The following ZNF616 variants were observed in gnomAD, a reference collection of about 807,000 sequenced individuals.
ZNF616 encodes zinc finger protein 616.
A neutral mutation model predicts 7.6 loss-of-function variants in ZNF616; 5 were observed. The observed-to-expected ratio is 0.66, with a 90% confidence interval of 0.34 to 1.38. ZNF616 has a LOEUF of 1.38. ZNF616 is among the 40% of genes most tolerant of loss of function. The pLI is 0.04. For missense variants in ZNF616, 913 were observed against 948.3 expected (o/e 0.96, Z 0.49); for synonymous variants, 319 against 317.2 (o/e 1.01, Z -0.06).
At chr19:52,133,890 G>C (rs2088984709) in intron 1 of ZNF616, among the ~76,000 whole-genome samples, 3 of 151,988 alleles carry the variant, frequency 2.0e-5, no homozygotes, top group Admixed American at 2.0e-4. Flanking sequence ...TCCACCCTGA[G>C]GTAGGCCCCA....
rs1181315418 is a variant in ZNF616 at position 52,139,030 on chromosome 19, A to G, written c.-77+702T>C. Among the ~76,000 whole-genome samples the G allele has an allele frequency of 1.3e-5, 2 of 151,856 alleles. No homozygotes were observed. The highest frequency in any genetic ancestry group is 2.9e-5 in the Non-Finnish European group (2 of 67,964). ...CTTTATGTGCTTTTCTCCCCGTGCTACTTTCTCCATGCGTCCTCTTGCACT... is the reference window on the plus strand; with the variant it reads ...CTTTATGTGCTTTTCTCCCCGTGCTGCTTTCTCCATGCGTCCTCTTGCACT... On this transcript the variant is annotated intron_variant, in intron 1 of 3. Coordinates refer to ENST00000600228, the MANE Select transcript of ZNF616 (RefSeq NM_178523.5). This position sits in a 1 kb window ranked among gnomAD's most constrained non-coding sequence, Gnocchi z 4.1.
In ZNF616 at chr19:52,115,084, A is replaced by G; in HGVS notation, c.2080T>C (p.Cys694Arg). Residue 694 changes from cysteine (C) to arginine (R), a missense_variant, in exon 4 of 4, where the codon TGT (cysteine) becomes CGT (arginine). By Grantham distance (180) the Cys-to-Arg change is radical. Coordinates refer to ENST00000600228, the MANE Select transcript of ZNF616 (RefSeq NM_178523.5). ...AGKKPYKCDE[C>R]GKVFRHSSHL... ...GAACTATGCCTGAATACCTTGCCAC[A>G]TTCATCACATTTATATGGTTTCTTT... The G allele has an allele frequency of 6.2e-7, 1 of 1,614,142 alleles. No homozygotes were observed. The highest frequency in any genetic ancestry group is 8.5e-7 in the Non-Finnish European group (1 of 1,180,024).
chr19:52,123,815 A>G, intron 3 of ZNF616, 108 bp downstream of exon 3: 3 of 1,380,700 alleles, frequency 2.2e-6, no homozygotes, highest in Non-Finnish European at 3.0e-6. Flanking sequence ...TTTTTGAACC[A>G]ATAAGGCTTC....
chr19:52,129,929 C>A (rs991667983), intron 2 of ZNF616, among the ~76,000 whole-genome samples: 1 of 151,978 alleles, frequency 6.6e-6, no homozygotes, highest in Non-Finnish European at 1.5e-5. Context: ...ATTACAGGCC[C>A]CTGCCACCAT....
rs2088804182 is a variant in ZNF616 at position 52,114,977 on chromosome 19, C to G, written c.2187G>C (p.Leu729Phe). 3 of 1,614,056 alleles carry G rather than the reference C, an allele frequency of 1.9e-6. No homozygotes were observed. Among genetic ancestry groups the G allele is most frequent in the African/African-American group, 2.7e-5 (2 of 74,934 alleles). ...TTCTTTGGTGTTTGCTGAGGGAAAA[C>G]AACCGCCCAAAGGCTTTGCCACATT... ...CIECGKAFGR[L>F]FSLSKHQRIH... is the part of the protein sequence containing the mutation. The change falls in exon 4 of 4, where the codon TTG becomes TTC. Residue 729 changes from leucine (L) to phenylalanine (F), a missense_variant. Transcript: ENST00000600228.
At position 52,137,057 on chromosome 19, in the gene ZNF616, A is replaced by G. The variant is rs200327656; in HGVS notation, c.-77+2675T>C. Among the ~76,000 whole-genome samples the G allele has an allele frequency of 3.9e-3, 513 of 131,694 alleles. 2 individuals carry two copies. The highest frequency in any genetic ancestry group is 0.01 in the African/African-American group (293 of 28,678). 86.4% of individuals were successfully genotyped at this position (131,694 alleles called of 152,430 possible). A position where few individuals can be genotyped will look rare whatever the true frequency, so the allele number is the denominator to read the frequency against. The stretch of plus-strand genomic sequence containing the variant: ...TGTATATATATTTATGTATGTGTAT[A>G]TATATATATATATATATACAGAGTG... On this transcript the variant is annotated intron_variant, in intron 1 of 3. Coordinates refer to ENST00000600228, the MANE Select transcript of ZNF616 (RefSeq NM_178523.5).
In ZNF616 at chr19:52,116,527, A is replaced by G. The variant is rs747072470; in HGVS notation, c.637T>C (p.Tyr213His). The G allele has an allele frequency of 6.2e-7, 1 of 1,614,130 alleles. No homozygotes were observed. Among genetic ancestry groups the G allele is most frequent in the South Asian group, 1.1e-5 (1 of 91,078 alleles). ...GCTTTGCCACACTCATTGCATTTGT[A>G]AGGTTTCTCTGTAGTATGTATCCTC... ...HQRIHTTEKP[Y>H]KCNECGKAFH... The change falls in exon 4 of 4, where the codon TAC becomes CAC. Residue 213 changes from tyrosine (Y) to histidine (H), a missense_variant. Coordinates refer to ENST00000600228, the MANE Select transcript of ZNF616 (RefSeq NM_178523.5).
At position 52,116,922 on chromosome 19, in the gene ZNF616, T is replaced by A; in HGVS notation, c.242A>T (p.Asp81Val). The change falls in exon 4 of 4, where the codon GAT (aspartate) becomes GTT (valine). Residue 81 changes from aspartate (D) to valine (V), a missense_variant. Physicochemically the swap from Asp to Val is radical, Grantham distance 152. Coordinates refer to ENST00000600228, the MANE Select transcript of ZNF616 (RefSeq NM_178523.5). ...TVALERHQSYDIENLYFREIQ... is the reference protein window; with the variant it reads ...TVALERHQSYVIENLYFREIQ... The stretch of plus-strand genomic sequence containing the variant: ...TTCCCTGAAGTATAAATTTTCAATA[T>A]CATAGCTTTGATGTCTTTCCAGTGC... The A allele has an allele frequency of 1.9e-6, 3 of 1,614,056 alleles. No homozygotes were observed. Among genetic ancestry groups the A allele is most frequent in the Non-Finnish European group, 2.5e-6 (3 of 1,179,978 alleles).
At chr19:52,130,196 G>A (rs1486010648) in intron 2 of ZNF616, among the ~76,000 whole-genome samples, 12 of 152,114 alleles carry the variant, frequency 7.9e-5, no homozygotes, top group Non-Finnish European at 1.2e-4. Flanking sequence ...AATCCCTGCT[G>A]CCCAACAGCT....
chr19:52,124,264 G>C lies in ZNF616; in HGVS notation c.13-215C>G, dbSNP rs183597567. ...ATCAGTGTATAGTTCTATTTTTGTG[G>C]ACAATACAAGAAATACACAAATAAG... On this transcript the variant is annotated intron_variant, in intron 2 of 3. Transcript: ENST00000600228. 1.2e-4 allele frequency among the ~76,000 whole-genome samples: 19 copies of C among 152,188 alleles called. No homozygotes were observed. The East Asian group carries it at 3.5e-3, about 28-fold the overall frequency.
chr19:52,136,206 C>A (rs765382178), intron 1 of ZNF616, among the ~76,000 whole-genome samples: 3 of 151,098 alleles, frequency 2.0e-5, no homozygotes, highest in Non-Finnish European at 4.4e-5. Flanking sequence ...AAATGCCAGG[C>A]ACGGTGGCTC....
chr19:52,114,923 A>T lies in ZNF616; in HGVS notation c.2241T>A (p.Cys747Ter). 6.2e-7 allele frequency: 1 copy of T among 1,614,162 alleles called. No individual in the cohort carries two copies. Among genetic ancestry groups the T allele is most frequent in the Non-Finnish European group, 8.5e-7 (1 of 1,180,022 alleles). The change falls in exon 4 of 4, where the codon TGT becomes TGA. Residue 747 changes from cysteine (C) to a stop codon, truncating the protein, a stop_gained. Transcript: ENST00000600228. LOFTEE classifies it low-confidence loss of function (END_TRUNC). The part of the protein sequence containing the change: ...RIHSGKKPYK[C>*]NECGKSFICR... ...AAATAAAAGATTTCCCACACTCATT[A>T]CATTTATAAGGTTTTTTGCCAGAAT...
rs952967266 is a variant in ZNF616, at chr19:52,130,216, C to A, written c.12+285G>T. On this transcript the variant is annotated intron_variant, in intron 2 of 3. Transcript: ENST00000600228. The stretch of plus-strand genomic sequence containing the variant: ...CTGCTGCCCAACAGCTCTGATACCA[C>A]GGGACCCTCACCCCATCTCCATCCA... 2.6e-5 allele frequency among the ~76,000 whole-genome samples: 4 copies of A among 152,194 alleles called. No individual in the cohort carries two copies. In the East Asian group the frequency reaches 7.7e-4, roughly 29 times the overall value.
chr19:52,116,405 A>G lies in ZNF616; in HGVS notation c.759T>C (p.Asn253=), dbSNP rs771231573. 6.2e-7 allele frequency: 1 copy of G among 1,611,728 alleles called. No individual in the cohort carries two copies. Among genetic ancestry groups the G allele is most frequent in the Non-Finnish European group, 8.5e-7 (1 of 1,179,374 alleles). Residue 253 remains asparagine, a synonymous_variant, in exon 4 of 4, where the codon AAT becomes AAC. Transcript: ENST00000600228. Reference sequence around the variant, plus strand: ...TCCTTTGGTGTCTTACAAAATATGAATTTTTTCTGAAGATCTTGCCACATA... The same window carrying G: ...TCCTTTGGTGTCTTACAAAATATGAGTTTTTTCTGAAGATCTTGCCACATA... The part of the protein sequence containing the change: ...CDVCGKIFRK[N]SYFVRHQRSH...
rs934585215 is a variant in ZNF616 at position 52,125,034 on chromosome 19, A to G, written c.13-985T>C. Among the ~76,000 whole-genome samples, 9 of 152,246 alleles carry G rather than the reference A, an allele frequency of 5.9e-5. 1 individual carries two copies. Among genetic ancestry groups the G allele is most frequent in the South Asian group, 2.1e-4 (1 of 4,822 alleles). ...GATCCAATCACCTACTAAAACCCAA[A>G]CCTCATAATACTTGGAGATTGGGCA... On this transcript the variant is annotated intron_variant, in intron 2 of 3. Coordinates refer to ENST00000600228, the MANE Select transcript of ZNF616 (RefSeq NM_178523.5).
chr19:52,129,786 ATT>A (rs36052704), intron 2 of ZNF616, among the ~76,000 whole-genome samples: 3,496 of 144,640 alleles, frequency 0.024, 125 homozygotes, highest in African/African-American at 0.084. Flanking sequence ...CCTTTTCCAT[ATT>A]TTTTTTTTTT....
chr19:52,118,881 C>T (rs2088845815), intron 3 of ZNF616, among the ~76,000 whole-genome samples: 1 of 152,166 alleles, frequency 6.6e-6, no homozygotes, highest in South Asian at 2.1e-4. Context: ...CCACGGGATT[C>T]ATGTATCTAC....
In ZNF616 at chr19:52,113,472, T is replaced by G. The variant is rs1156236237; in HGVS notation, c.*1346A>C. The G allele has an allele frequency of 6.6e-6, 1 of 152,222 alleles. No individual in the cohort carries two copies. The highest frequency in any genetic ancestry group is 2.4e-5 in the African/African-American group (1 of 41,458). The allele number at this position is 152,222 out of a possible 1,614,324, so 9.4% of individuals were successfully genotyped here. On this transcript the variant is annotated 3_prime_UTR_variant, in exon 4 of 4. Transcript: ENST00000600228. ...ACATTGGTTTTGTCTCACTTTAAGT[T>G]CTGGGTACATGTGCACAATTTGCAA...
In ZNF616 at chr19:52,116,081, T is replaced by C; in HGVS notation, c.1083A>G (p.Ala361=). The change falls in exon 4 of 4, where the codon GCA becomes GCG. Residue 361 remains alanine, a synonymous_variant. Transcript: ENST00000600228. ...KPYKCDVCGK[A]FRHRSNLVCH... ...ATACAAGATTTGATCTATGTCTGAA[T>C]GCCTTGCCACATACATCACATTTAT... 6.2e-7 allele frequency: 1 copy of C among 1,614,196 alleles called. No homozygotes were observed. The highest frequency in any genetic ancestry group is 1.1e-5 in the South Asian group (1 of 91,082).
Sources: allele counts gnomAD v4.1 joint callset (sites outside exome capture counted in the v4.1 genomes callset), GRCh38; gene constraint gnomAD v4.1.1; non-coding constraint Gnocchi (gnomAD v3.1); transcripts MANE v1.5; gene names NCBI Gene and HGNC (gene_info 2026-07-23, HGNC 2026-07-21).